Variants in DNAH14 observed in about 807,000 individuals in gnomAD.
The protein encoded by DNAH14 is dynein axonemal heavy chain 14, also known as axonemal beta dynein heavy chain 14.
In DNAH14, 478 loss-of-function variants were observed where a neutral mutation model predicts 520.9. That is an observed-to-expected ratio of 0.92 (90% CI 0.85 to 0.99). The LOEUF (loss-of-function observed/expected upper bound fraction) is 0.99. Among genes scored for constraint, DNAH14 ranks in the 50% least tolerant of loss-of-function variants. The probability of loss-of-function intolerance (pLI) is 0.00; values close to 1 mark genes in which losing one functional copy is unlikely to be tolerated. For missense variants in DNAH14, 4,831 were observed against 5,234.5 expected, an observed-to-expected ratio of 0.92 and a Z score of 2.38; for synonymous variants, 1,581 against 1,757.2, an observed-to-expected ratio of 0.90 and a Z score of 2.51.
At chr1:225,042,671 A>G (rs995287138) in intron 12 of DNAH14, among the ~76,000 whole-genome samples, 164 bp from the exon 13 acceptor site, 1 of 152,164 alleles carries the variant, frequency 6.6e-6, no homozygotes, top group South Asian at 2.1e-4. Flanking sequence ...TTCACATGCA[A>G]TTTACTTATT....
intron 9 of DNAH14, among the ~76,000 whole-genome samples, chr1:225,006,702 T>C (rs188553313): frequency 6.6e-6 from 1 of 152,314 alleles, no homozygotes; most frequent in East Asian, 1.9e-4. Flanking sequence ...GCATGCCCAG[T>C]GGGACATGGA....
intron 73 of DNAH14, among the ~76,000 whole-genome samples, chr1:225,356,101 T>A (rs2095425518): frequency 6.6e-6 from 1 of 152,186 alleles, no homozygotes; most frequent in Non-Finnish European, 1.5e-5. Flanking sequence ...ATTAATCCAT[T>A]GAGAGACAAC....
chr1:225,379,428 T>C (rs1322997479), intron 79 of DNAH14, among the ~76,000 whole-genome samples: 1 of 152,244 alleles, frequency 6.6e-6, no homozygotes. Context: ...GATACATTTA[T>C]CTTCAGACGG....
chr1:225,129,958 A>C (rs1315698021), intron 27 of DNAH14, among the ~76,000 whole-genome samples: 6 of 152,224 alleles, frequency 3.9e-5, no homozygotes, highest in Non-Finnish European at 5.9e-5. Flanking sequence ...CAATGAACTC[A>C]AACAAATTTA....
Position 224,960,252 on chromosome 1 carries a change from A to G in DNAH14, c.317A>G (p.His106Arg). Residue 106 changes from histidine (H) to arginine (R), a missense_variant, in exon 4 of 86, where the codon CAT (histidine) becomes CGT (arginine). Physicochemically the swap from His to Arg is conservative, Grantham distance 29. Transcript: ENST00000682510. ...GKSRRKKDQT[H>R]ACPNVRKARP... ...TCAAGGAGAAAAAAGGATCAAACTC[A>G]TGCTTGTCCAAATGTTAGGAAAGCC... The G allele has an allele frequency of 6.2e-7, 1 of 1,611,578 alleles. No individual in the cohort carries two copies. Among genetic ancestry groups the G allele is most frequent in the African/African-American group, 1.3e-5 (1 of 74,954 alleles).
chr1:225,168,603 A>G (rs953914598), intron 36 of DNAH14, among the ~76,000 whole-genome samples: 2 of 152,116 alleles, frequency 1.3e-5, no homozygotes, highest in African/African-American at 4.8e-5. Context: ...AGGCTGGAGG[A>G]GGGGCGCCTG....
At chr1:225,293,586 G>A (rs2093940241) in intron 55 of DNAH14, among the ~76,000 whole-genome samples, 1 of 152,136 alleles carries the variant, frequency 6.6e-6, no homozygotes, top group African/African-American at 2.4e-5. Flanking sequence ...TATACTAAAT[G>A]TTTTCACTTA....
chr1:225,039,801 C>G lies in DNAH14; in HGVS notation c.1488+978C>G, dbSNP rs552977958. ...GCTGAGGCAGGAGAATGGCATGAAC[C>G]CGGGAGGCGGAGCTTGCAGTGAGCC... On this transcript the variant is annotated intron_variant, in intron 12 of 85. Coordinates refer to ENST00000682510, the MANE Select transcript of DNAH14 (RefSeq NM_001367479.1). 8.0e-3 allele frequency among the ~76,000 whole-genome samples: 1,046 copies of G among 130,654 alleles called. 8 individuals are homozygous for G. The highest frequency in any genetic ancestry group is 0.038 in the Middle Eastern group (8 of 212). The allele number at this position is 130,654 out of a possible 152,430, so 85.7% of individuals were successfully genotyped here.
intron 41 of DNAH14, among the ~76,000 whole-genome samples, chr1:225,209,191 G>T (rs1303047675): frequency 6.6e-6 from 1 of 152,246 alleles, no homozygotes; most frequent in East Asian, 1.9e-4. Flanking sequence ...GTGTATAAAA[G>T]AAATTAGAGA....
chr1:225,372,496 T>C (rs1355890063), intron 77 of DNAH14, among the ~76,000 whole-genome samples: 1 of 152,170 alleles, frequency 6.6e-6, no homozygotes, highest in Non-Finnish European at 1.5e-5. Flanking sequence ...AAAAAGTAAA[T>C]GATACTGGCA....
chr1:225,174,342 T>C (rs542104132), intron 36 of DNAH14, among the ~76,000 whole-genome samples: 7 of 152,290 alleles, frequency 4.6e-5, no homozygotes, highest in African/African-American at 1.7e-4. Flanking sequence ...TTTATTTGTG[T>C]CCTGTTTACT....
At chr1:225,076,930 G>T (rs1428860564) in intron 17 of DNAH14, among the ~76,000 whole-genome samples, 1 of 151,824 alleles carries the variant, frequency 6.6e-6, no homozygotes, top group Non-Finnish European at 1.5e-5. Flanking sequence ...TTCTCCTAAT[G>T]CTATCCCTCC....
chr1:225,324,377 T>C (rs2094612834), intron 63 of DNAH14, 24 bp downstream of exon 63: 2 of 1,545,168 alleles, frequency 1.3e-6, no homozygotes, highest in African/African-American at 1.4e-5. Context: ...CCTAAACATC[T>C]GTCATGATTT....
chr1:224,929,707 C>T lies in DNAH14; in HGVS notation c.-162C>T, dbSNP rs978901718. On this transcript the variant is annotated 5_prime_UTR_variant, in exon 1 of 86. Coordinates refer to ENST00000682510, the MANE Select transcript of DNAH14 (RefSeq NM_001367479.1). ...GGTTACGGCCAGGAGGCGTCGGAGC[C>T]TGGCGTGGTAGGGCTGTGCTGCGCG... 7.1e-6 allele frequency: 5 copies of T among 702,444 alleles called. No individual in the cohort carries two copies. The highest frequency in any genetic ancestry group is 1.3e-5 in the Non-Finnish European group (5 of 384,866). 43.5% of individuals were successfully genotyped at this position (702,444 alleles called of 1,614,324 possible).
chr1:225,073,662 T>TTTG (rs138861152), intron 17 of DNAH14, among the ~76,000 whole-genome samples: 5 of 151,900 alleles, frequency 3.3e-5, no homozygotes, highest in South Asian at 2.1e-4. Flanking sequence ...TTTTCAGTTT[T>TTTG]TTGTTGTTGT....
intron 56 of DNAH14, 121 bp downstream of exon 56, chr1:225,301,151 G>T: frequency 9.1e-7 from 1 of 1,103,478 alleles, no homozygotes; most frequent in Non-Finnish European, 1.2e-6. Flanking sequence ...AGTTTTTAAG[G>T]TAAAATAATG....
chr1:225,017,358 T>C (rs1041567177), intron 10 of DNAH14, among the ~76,000 whole-genome samples: 4 of 152,244 alleles, frequency 2.6e-5, no homozygotes, highest in African/African-American at 9.6e-5. Flanking sequence ...TTCCAATATA[T>C]ATTAATCAGG....
At chr1:225,352,886 T>G (rs2095385953) in intron 72 of DNAH14, among the ~76,000 whole-genome samples, 1 of 152,082 alleles carries the variant, frequency 6.6e-6, no homozygotes, top group African/African-American at 2.4e-5. Flanking sequence ...TTTCTCTCTT[T>G]GAGTCATTAT....
chr1:224,955,128 T>C (rs781122425), intron 3 of DNAH14, 30 bp downstream of exon 3: 2 of 1,588,940 alleles, frequency 1.3e-6, no homozygotes, highest in East Asian at 2.3e-5. Context: ...TTCTGGCATG[T>C]TGATTTATAT....
Sources: gnomAD v4.1 joint callset for allele counts (sites outside exome capture counted in the v4.1 genomes callset) on GRCh38, gnomAD v4.1.1 for gene constraint, MANE v1.5 for transcripts, NCBI Gene and HGNC (gene_info 2026-07-23, HGNC 2026-07-21) for gene names.